The following PPM1L variants were observed in gnomAD, a reference collection of about 807,000 sequenced individuals.
PPM1L encodes protein phosphatase, Mg2+/Mn2+ dependent 1L.
Under a neutral mutation model 31.4 loss-of-function variants are expected in PPM1L, and 13 were observed. That is an observed-to-expected ratio of 0.41 (90% CI 0.27 to 0.66). PPM1L has a LOEUF of 0.66. PPM1L is among the 30% of genes least tolerant of loss of function. The pLI, the probability that PPM1L is intolerant of heterozygous loss-of-function variation, is 0.29. For missense variants in PPM1L, 326 were observed against 453.7 expected (o/e 0.72, Z 2.56); for synonymous variants, 184 against 175.4 (o/e 1.05, Z -0.39).
chr3:160,849,419 C>CTTTTTT (rs540982855), intron 1 of PPM1L, among the ~76,000 whole-genome samples: 14 of 143,388 alleles, frequency 9.8e-5, no homozygotes, highest in African/African-American at 3.7e-4. Context: ...TTCTTTCTTT[C>CTTTTTT]TTTTTTTTTT....
At chr3:160,865,940 A>G (rs1016264288) in intron 1 of PPM1L, among the ~76,000 whole-genome samples, 1 of 152,206 alleles carries the variant, frequency 6.6e-6, no homozygotes, top group African/African-American at 2.4e-5. Context: ...GTAATATTAA[A>G]TATGTATCTC....
chr3:160,902,839 A>T (rs1439988972), intron 1 of PPM1L, among the ~76,000 whole-genome samples: 1 of 152,112 alleles, frequency 6.6e-6, no homozygotes, highest in Admixed American at 6.6e-5. Flanking sequence ...TGATACATAC[A>T]CCCATTAAGA....
chr3:160,871,035 A>T (rs1712284850), intron 1 of PPM1L, among the ~76,000 whole-genome samples: 1 of 152,218 alleles, frequency 6.6e-6, no homozygotes, highest in Non-Finnish European at 1.5e-5. Context: ...GTTTAAATAG[A>T]TAACTTCAAA....
chr3:160,973,642 G>A (rs1229260381), intron 2 of PPM1L, among the ~76,000 whole-genome samples: 2 of 152,098 alleles, frequency 1.3e-5, no homozygotes, highest in Non-Finnish European at 1.5e-5. Context: ...AGACTCTGAA[G>A]ATATGTAATC....
chr3:160,828,823 C>G (rs1258123067), intron 1 of PPM1L, among the ~76,000 whole-genome samples: 2 of 152,148 alleles, frequency 1.3e-5, no homozygotes, highest in Non-Finnish European at 2.9e-5. Flanking sequence ...CAGAGCAAAA[C>G]ACCCCAAACA....
chr3:160,830,919 T>C (rs1023273884), intron 1 of PPM1L, among the ~76,000 whole-genome samples: 2 of 152,212 alleles, frequency 1.3e-5, no homozygotes, highest in Non-Finnish European at 2.9e-5. Flanking sequence ...TTAGCACAGA[T>C]TGTAAATCAG....
At chr3:161,061,794 A>C (rs1165300464) in intron 2 of PPM1L, among the ~76,000 whole-genome samples, 1 of 152,176 alleles carries the variant, frequency 6.6e-6, no homozygotes, top group African/African-American at 2.4e-5. Flanking sequence ...CCCAAGGGAC[A>C]ACTGTGTAGC....
At chr3:160,784,310 A>G (rs1015214947) in intron 1 of PPM1L, among the ~76,000 whole-genome samples, 1 of 152,208 alleles carries the variant, frequency 6.6e-6, no homozygotes, top group Admixed American at 6.5e-5. Flanking sequence ...CACATATAGT[A>G]TCATTTACTA....
chr3:160,934,406 T>C (rs1215118073), intron 1 of PPM1L, among the ~76,000 whole-genome samples: 3 of 152,230 alleles, frequency 2.0e-5, no homozygotes, highest in Non-Finnish European at 4.4e-5. Context: ...TTTTTTTCTC[T>C]TCCCTTCTTT....
chr3:160,824,614 T>C (rs967750696), intron 1 of PPM1L, among the ~76,000 whole-genome samples: 1 of 152,094 alleles, frequency 6.6e-6, no homozygotes, highest in Non-Finnish European at 1.5e-5. Flanking sequence ...AGGGGTGCCA[T>C]ATGAGAGAAT....
At chr3:161,024,509 A>T (rs935633288) in intron 2 of PPM1L, among the ~76,000 whole-genome samples, 2 of 151,446 alleles carry the variant, frequency 1.3e-5, no homozygotes, top group Admixed American at 6.6e-5. Flanking sequence ...GACCAGCCTG[A>T]CCAACATGGA....
chr3:160,956,556 C>G (rs1475570012), intron 1 of PPM1L, among the ~76,000 whole-genome samples: 2 of 152,208 alleles, frequency 1.3e-5, no homozygotes, highest in Admixed American at 1.3e-4. Context: ...AAGAATCAGT[C>G]AACCCCATTG....
At chr3:161,000,580 G>C (rs1387602665) in intron 2 of PPM1L, among the ~76,000 whole-genome samples, 2 of 152,178 alleles carry the variant, frequency 1.3e-5, no homozygotes, top group African/African-American at 4.8e-5. Context: ...TGGAAAAAAA[G>C]TTATTAGAGA....
chr3:160,815,785 A>G (rs1712977753), intron 1 of PPM1L, among the ~76,000 whole-genome samples: 1 of 152,128 alleles, frequency 6.6e-6, no homozygotes. Flanking sequence ...GAGAAAATAG[A>G]TTTTTGCCAA....
chr3:160,784,102 G>A (rs943932430), intron 1 of PPM1L, among the ~76,000 whole-genome samples: 2 of 151,924 alleles, frequency 1.3e-5, no homozygotes, highest in African/African-American at 4.8e-5. Flanking sequence ...ATTCTTCTAG[G>A]TTAACTTGTA....
intron 1 of PPM1L, among the ~76,000 whole-genome samples, chr3:160,933,772 A>G (rs1213866536): frequency 6.6e-6 from 1 of 152,078 alleles, no homozygotes; most frequent in Non-Finnish European, 1.5e-5. Flanking sequence ...CTTTATTTGA[A>G]ATGTTTCTGA....
chr3:161,042,539 C>G (rs1310222057), intron 2 of PPM1L, among the ~76,000 whole-genome samples: 1 of 152,182 alleles, frequency 6.6e-6, no homozygotes, highest in Non-Finnish European at 1.5e-5. Flanking sequence ...GCCCTCCCTC[C>G]CCAGTTCCAT....
chr3:160,963,291 A>G (rs1259487729), intron 2 of PPM1L, among the ~76,000 whole-genome samples: 1 of 152,054 alleles, frequency 6.6e-6, no homozygotes, highest in East Asian at 1.9e-4. Context: ...TAATCAAGCT[A>G]TGCTTTTACT....
At chr3:160,760,826 C>T (rs549661434) in intron 1 of PPM1L, among the ~76,000 whole-genome samples, 3 of 151,730 alleles carry the variant, frequency 2.0e-5, no homozygotes, top group African/African-American at 7.3e-5. Flanking sequence ...TTGTTATGTG[C>T]TCCATATGTT....
Sources: gnomAD v4.1 joint callset for allele counts (sites outside exome capture counted in the v4.1 genomes callset) on GRCh38, gnomAD v4.1.1 for gene constraint, MANE v1.5 for transcripts, NCBI Gene and HGNC (gene_info 2026-07-23, HGNC 2026-07-21) for gene names.